The following SH3BGRL variants were observed in gnomAD, a reference collection of about 807,000 sequenced individuals.
SH3BGRL encodes adapter SH3BGRL.
Under a neutral mutation model 9.8 loss-of-function variants are expected in SH3BGRL, and 7 were observed. The ratio of observed to expected loss-of-function variants is 0.72; its 90% CI spans 0.41 to 1.35. The LOEUF (loss-of-function observed/expected upper bound fraction) is 1.35, where lower values mean the gene tolerates loss of function less well. Among genes scored for constraint, SH3BGRL ranks in the 40% most tolerant of loss-of-function variants. The pLI, the probability that SH3BGRL is intolerant of heterozygous loss-of-function variation, is 0.01. For synonymous variants in SH3BGRL, 36 were observed against 29.1 expected (o/e 1.24, Z -0.76); for missense variants, 73 against 84.4 (o/e 0.86, Z 0.53).
intron 1 of SH3BGRL, among the ~76,000 whole-genome samples, chrX:81,243,384 T>C (rs2075677539): frequency 9.0e-6 from 1 of 111,693 alleles, no homozygotes; most frequent in African/African-American, 3.3e-5. Flanking sequence ...TTACCAGAGA[T>C]TGGAAAGGGT....
intron 1 of SH3BGRL, among the ~76,000 whole-genome samples, chrX:81,273,288 C>T (rs993218562): frequency 8.9e-6 from 1 of 112,543 alleles, no homozygotes; most frequent in African/African-American, 3.2e-5. Flanking sequence ...CTCTCATTGG[C>T]GTTGCCATTC....
chrX:81,243,778 A>G (rs1373306228), intron 1 of SH3BGRL, among the ~76,000 whole-genome samples: 1 of 111,634 alleles, frequency 9.0e-6, no homozygotes, highest in Non-Finnish European at 1.9e-5. Context: ...ATATTCTAAT[A>G]TATTTACATT....
At chrX:81,285,346 G>C (rs1167434880) in intron 3 of SH3BGRL, among the ~76,000 whole-genome samples, 1 of 111,423 alleles carries the variant, frequency 9.0e-6, no homozygotes. Flanking sequence ...TGCTGAGAAG[G>C]GTGGATTGAA....
intron 1 of SH3BGRL, among the ~76,000 whole-genome samples, chrX:81,249,039 A>C (rs185832610): frequency 1.2e-4 from 13 of 112,448 alleles, no homozygotes; most frequent in African/African-American, 3.2e-4. Flanking sequence ...TAAAGCTCAC[A>C]GAGTTTATCT....
chrX:81,235,343 C>T (rs1460455330), intron 1 of SH3BGRL, among the ~76,000 whole-genome samples: 2 of 110,002 alleles, frequency 1.8e-5, no homozygotes, highest in Non-Finnish European at 3.8e-5. Context: ...GTCTTACAAC[C>T]CAGAGTTTGG....
intron 1 of SH3BGRL, among the ~76,000 whole-genome samples, chrX:81,211,735 G>T (rs751502167): frequency 9.0e-6 from 1 of 111,530 alleles, no homozygotes; most frequent in Non-Finnish European, 1.9e-5. Context: ...TGTTTCTCCC[G>T]TGCTGGACGC....
intron 1 of SH3BGRL, among the ~76,000 whole-genome samples, chrX:81,258,302 C>A (rs989422841): frequency 9.0e-6 from 1 of 111,717 alleles, no homozygotes; most frequent in South Asian, 3.7e-4. Context: ...CAATCTTCCA[C>A]TGCTGAAAAC....
At chrX:81,286,378 A>G (rs906491778) in intron 3 of SH3BGRL, among the ~76,000 whole-genome samples, 1 of 108,795 alleles carries the variant, frequency 9.2e-6, no homozygotes, top group South Asian at 4.0e-4. Context: ...TCCGGAGTCC[A>G]TCTCTGCTGT....
rs1290658260 is a variant in SH3BGRL at position 81,297,858 on chromosome X, A to T, written c.*631A>T. ...GTGATCAGAATAGATATCCTTTTAC[A>T]CGCACAAAAGCAATAGATTCATTCA... On this transcript the variant is annotated 3_prime_UTR_variant, in exon 4 of 4. Transcript: ENST00000373212. 2 of 111,736 alleles carry T rather than the reference A, an allele frequency of 1.8e-5. No homozygotes were observed. Among genetic ancestry groups the T allele is most frequent in the African/African-American group, 6.5e-5 (2 of 30,814 alleles). The allele number at this position is 111,736 out of a possible 1,213,427, so 9.2% of individuals were successfully genotyped here.
intron 1 of SH3BGRL, among the ~76,000 whole-genome samples, chrX:81,236,857 G>C (rs2075649686): frequency 9.2e-6 from 1 of 108,175 alleles, no homozygotes; most frequent in Non-Finnish European, 1.9e-5. Context: ...AAGTTTTGTT[G>C]TGTGTGTGTG....
intron 1 of SH3BGRL, among the ~76,000 whole-genome samples, chrX:81,262,467 A>G (rs185612783): frequency 2.3e-4 from 26 of 111,798 alleles, no homozygotes; most frequent in Admixed American, 2.1e-3. Flanking sequence ...GAAATACTTA[A>G]CCAGGGCCCC....
chrX:81,246,655 T>A (rs774020958), intron 1 of SH3BGRL, among the ~76,000 whole-genome samples: 1 of 111,275 alleles, frequency 9.0e-6, no homozygotes, highest in Non-Finnish European at 1.9e-5. Context: ...ATTTTTTTTT[T>A]ATCTTAGTCA....
chrX:81,260,532 A>G (rs749246768), intron 1 of SH3BGRL, among the ~76,000 whole-genome samples: 9 of 111,236 alleles, frequency 8.1e-5, no homozygotes, highest in African/African-American at 2.9e-4. Flanking sequence ...TAATACATAT[A>G]GAATTCCATA....
At chrX:81,233,711 T>C (rs2075639626) in intron 1 of SH3BGRL, among the ~76,000 whole-genome samples, 1 of 110,722 alleles carries the variant, frequency 9.0e-6, no homozygotes. Flanking sequence ...TAGGTGTTAT[T>C]ATGCCCATTT....
At chrX:81,260,609 A>G (rs1176503753) in intron 1 of SH3BGRL, among the ~76,000 whole-genome samples, 1 of 110,949 alleles carries the variant, frequency 9.0e-6, no homozygotes, top group African/African-American at 3.3e-5. Context: ...GCCCAGCCCT[A>G]ATATACCCAC....
chrX:81,202,650 G>A (rs2075532844), intron 1 of SH3BGRL: 1 of 603,711 alleles, frequency 1.7e-6, no homozygotes, highest in African/African-American at 2.5e-5. Flanking sequence ...CTTCTGTAAA[G>A]GATGGGGGTA....
chrX:81,202,106 A>C lies in SH3BGRL; in HGVS notation c.-95A>C. Reference sequence around the variant, plus strand: ...CACCTTCCCCCACCCTTCTCTGCCAACCGCTGTTTCAGCCCCTAGCTGGAT... The same window carrying C: ...CACCTTCCCCCACCCTTCTCTGCCACCCGCTGTTTCAGCCCCTAGCTGGAT... On this transcript the variant is annotated 5_prime_UTR_variant, in exon 1 of 4. Transcript: ENST00000373212. The C allele has an allele frequency of 1.1e-6, 1 of 895,890 alleles. No individual in the cohort carries two copies. Among genetic ancestry groups the C allele is most frequent in the Non-Finnish European group, 1.6e-6 (1 of 625,007 alleles). 73.8% of individuals were successfully genotyped at this position (895,890 alleles called of 1,213,427 possible). A position where few individuals can be genotyped will look rare whatever the true frequency, so the allele number is the denominator to read the frequency against.
At position 81,298,454 on chromosome X, in the gene SH3BGRL, C is replaced by T. The variant is rs1453967557; in HGVS notation, c.*1227C>T. The T allele has an allele frequency of 9.0e-6, 1 of 110,948 alleles. No homozygotes were observed. The highest frequency in any genetic ancestry group is 3.3e-5 in the African/African-American group (1 of 30,660). The allele number at this position is 110,948 out of a possible 1,213,427, so 9.1% of individuals were successfully genotyped here. The stretch of plus-strand genomic sequence containing the variant: ...TTGTATGCTGGTCTTTACTTTTTGC[C>T]AAAATCAACATATAATGAAGAGATG... On this transcript the variant is annotated 3_prime_UTR_variant, in exon 4 of 4. Coordinates refer to ENST00000373212, the MANE Select transcript of SH3BGRL (RefSeq NM_003022.3).
intron 1 of SH3BGRL, among the ~76,000 whole-genome samples, chrX:81,234,864 A>G (rs1433459991): frequency 8.9e-6 from 1 of 111,864 alleles, no homozygotes; most frequent in Non-Finnish European, 1.9e-5. Flanking sequence ...TAATGCCAGT[A>G]GTTATTGTGG....
Sources: allele counts gnomAD v4.1 joint callset (sites outside exome capture counted in the v4.1 genomes callset), GRCh38; gene constraint gnomAD v4.1.1; transcripts MANE v1.5; gene names NCBI Gene and HGNC (gene_info 2026-07-23, HGNC 2026-07-21).